ADSS2: variants seen among roughly 807,000 people sequenced by gnomAD.
The protein encoded by ADSS2 is adenylosuccinate synthase 2.
In ADSS2, 30 loss-of-function variants were observed where a neutral mutation model predicts 60.0. That is an observed-to-expected ratio of 0.50 (90% CI 0.37 to 0.68). ADSS2 has a LOEUF of 0.68. Among genes scored for constraint, ADSS2 ranks in the 30% least tolerant of loss-of-function variants. ADSS2 has a pLI of 0.00. For missense variants in ADSS2, 373 were observed against 554.8 expected, an observed-to-expected ratio of 0.67 and a Z score of 3.29; for synonymous variants, 187 against 193.1, an observed-to-expected ratio of 0.97 and a Z score of 0.26.
chr1:244,449,913 C>T (rs1665490316), intron 1 of ADSS2, among the ~76,000 whole-genome samples: 1 of 152,242 alleles, frequency 6.6e-6, no homozygotes, highest in South Asian at 2.1e-4. Flanking sequence ...ACATTAGTAA[C>T]ACCTTCTCCA....
intron 1 of ADSS2, among the ~76,000 whole-genome samples, chr1:244,438,534 C>G (rs1572144476): frequency 6.6e-6 from 1 of 152,098 alleles, no homozygotes; most frequent in Non-Finnish European, 1.5e-5. Context: ...AACCAGATAA[C>G]TTTTCTAAGT....
chr1:244,441,415 T>C (rs1353969174), intron 1 of ADSS2, among the ~76,000 whole-genome samples: 2 of 152,224 alleles, frequency 1.3e-5, no homozygotes, highest in East Asian at 1.9e-4. Context: ...TCAGTTCCTC[T>C]TGTTAAAAAT....
rs1386840307 is a variant in ADSS2 at position 244,432,548 on chromosome 1, T to C, written c.403A>G (p.Ile135Val). 2.5e-6 allele frequency: 4 copies of C among 1,571,502 alleles called. No homozygotes were observed. Among genetic ancestry groups the C allele is most frequent in the Non-Finnish European group, 3.5e-6 (4 of 1,156,566 alleles). The part of the protein sequence containing the change: ...KRLIISDRAH[I>V]VFDFHQAADG... ...AAATGCAATATATCCACCTTACCAATATGAGCTCTGTCAGATATAATAAGC... is the reference window on the plus strand; with the variant it reads ...AAATGCAATATATCCACCTTACCAACATGAGCTCTGTCAGATATAATAAGC... Residue 135 changes from isoleucine to valine, a missense_variant, in exon 4 of 13, where the codon ATT (isoleucine) becomes GTT (valine). By Grantham distance (29) the Ile-to-Val change is conservative. Coordinates refer to ENST00000366535, the MANE Select transcript of ADSS2 (RefSeq NM_001126.5).
At position 244,418,835 on chromosome 1, in the gene ADSS2, A is replaced by G; in HGVS notation, c.870T>C (p.Val290=). 11 of 1,614,094 alleles carry G rather than the reference A, an allele frequency of 6.8e-6. No individual in the cohort carries two copies. Among genetic ancestry groups the G allele is most frequent in the Non-Finnish European group, 9.3e-6 (11 of 1,179,976 alleles). ...CTGLGMPPQN[V]GEVYGVVKAY... ...CTTTCACAACTCCATACACTTCTCC[A>G]ACATTTTGAGGTGGCATACCCAAAC... Residue 290 remains valine, a synonymous_variant, in exon 9 of 13, where the codon GTT becomes GTC. Coordinates refer to ENST00000366535, the MANE Select transcript of ADSS2 (RefSeq NM_001126.5).
Position 244,409,595 on chromosome 1 carries a change from T to C in ADSS2, c.1362A>G (p.Gln454=), listed in dbSNP as rs767664950. Reference sequence around the variant, plus strand: ...GCATTACTGGCAATCATTAAAAGAGTTGAATCATAGATTCTCTGGATTTAC... The same window carrying C: ...GCATTACTGGCAATCATTAAAAGAGCTGAATCATAGATTCTCTGGATTTAC... ...GVGKSRESMI[Q]LF Residue 454 remains glutamine (Q), a synonymous_variant, in exon 13 of 13, where the codon CAA becomes CAG. Transcript: ENST00000366535. The C allele has an allele frequency of 5.1e-5, 82 of 1,608,834 alleles. No individual in the cohort carries two copies. The East Asian group carries it at 9.6e-4, about 19-fold the overall frequency.
At position 244,424,321 on chromosome 1, in the gene ADSS2, T is replaced by C; in HGVS notation, c.473A>G (p.Asn158Ser). 6.2e-7 allele frequency: 1 copy of C among 1,612,514 alleles called. No individual in the cohort carries two copies. Among genetic ancestry groups the C allele is most frequent in the South Asian group, 1.1e-5 (1 of 90,962 alleles). ...CAAAAAAACAAAAACCCACACATACTTTTTTCCTGCTTGTTCTTGTCTCTG... is the reference window on the plus strand; with the variant it reads ...CAAAAAAACAAAAACCCACACATACCTTTTTCCTGCTTGTTCTTGTCTCTG... Reference protein sequence around the residue: ...EQQRQEQAGKNLGTTKKGIGP... With the variant: ...EQQRQEQAGKSLGTTKKGIGP... The change falls in exon 5 of 13, where the codon AAT (asparagine) becomes AGT (serine). Residue 158 changes from asparagine (N) to serine (S), a missense_variant and splice_region_variant. This residue lies in a region of ADSS2 where 139 missense variants were observed against 189.4 expected (regional missense o/e 0.73). Transcript: ENST00000366535.
At position 244,417,760 on chromosome 1, in the gene ADSS2, A is replaced by C; in HGVS notation, c.946-8T>G. The stretch of plus-strand genomic sequence containing the variant: ...TAATAATTCTCCAATTTCCTACAGA[A>C]CAGAAAATTGAACTTTAGGATTAGA... On this transcript the variant is annotated splice_region_variant and splice_polypyrimidine_tract_variant and intron_variant, in intron 9 of 12. Transcript: ENST00000366535. The C allele has an allele frequency of 6.2e-7, 1 of 1,612,468 alleles. No individual in the cohort carries two copies. Among genetic ancestry groups the C allele is most frequent in the Non-Finnish European group, 8.5e-7 (1 of 1,178,750 alleles).
rs376691045 is a variant in ADSS2, at chr1:244,451,831, C to A, written c.-14G>T. 8.9e-6 allele frequency: 14 copies of A among 1,567,196 alleles called. No individual in the cohort carries two copies. In the African/African-American group the frequency reaches 1.9e-4, roughly 21 times the overall value. ...GGCGAACGCCATGGCTCCAGTGACGCGAGGAGAGCCCGAAGGAGAGGCGGC... is the reference window on the plus strand; with the variant it reads ...GGCGAACGCCATGGCTCCAGTGACGAGAGGAGAGCCCGAAGGAGAGGCGGC... On this transcript the variant is annotated 5_prime_UTR_variant, in exon 1 of 13. Coordinates refer to ENST00000366535, the MANE Select transcript of ADSS2 (RefSeq NM_001126.5). This position sits in a 1 kb window ranked among gnomAD's most constrained non-coding sequence, Gnocchi z 6.6.
At chr1:244,421,771 G>C (rs1664680447) in intron 7 of ADSS2, among the ~76,000 whole-genome samples, 1 of 152,064 alleles carries the variant, frequency 6.6e-6, no homozygotes, top group Admixed American at 6.6e-5. Flanking sequence ...TTTAGCTCAG[G>C]CGTTCAAGAC....
chr1:244,437,905 TG>T (rs1665142712), intron 1 of ADSS2, 137 bp from the exon 2 acceptor site: 1 of 671,436 alleles, frequency 1.5e-6, no homozygotes, highest in East Asian at 2.5e-5. Context: ...TCTACTCATT[TG>T]TAAAAGGCTT....
At chr1:244,436,027 A>C (rs1336587457) in intron 3 of ADSS2, among the ~76,000 whole-genome samples, 1 of 152,188 alleles carries the variant, frequency 6.6e-6, no homozygotes, top group Non-Finnish European at 1.5e-5. Context: ...CATGGAAAAG[A>C]TATATGAAAG....
At chr1:244,437,906 G>A (rs1665142667) in intron 1 of ADSS2, 138 bp from the exon 2 acceptor site, 1 of 668,566 alleles carries the variant, frequency 1.5e-6, no homozygotes, top group Middle Eastern at 2.6e-4. Flanking sequence ...CTACTCATTT[G>A]TAAAAGGCTT....
chr1:244,410,958 G>T (rs891501464), intron 12 of ADSS2, among the ~76,000 whole-genome samples: 1 of 152,204 alleles, frequency 6.6e-6, no homozygotes. Context: ...GGGCATGCTG[G>T]CTCATGCCTG....
At chr1:244,433,737 G>A (rs187196287) in intron 3 of ADSS2, among the ~76,000 whole-genome samples, 3 of 151,828 alleles carry the variant, frequency 2.0e-5, no homozygotes, top group Admixed American at 2.0e-4. Context: ...GCGGGCGCCT[G>A]TAATCCCAGC....
intron 7 of ADSS2, among the ~76,000 whole-genome samples, chr1:244,420,502 T>G (rs1441813456): frequency 6.6e-6 from 1 of 150,378 alleles, no homozygotes; most frequent in Non-Finnish European, 1.5e-5. Flanking sequence ...AGAGCATTGC[T>G]CAACAAAAAC....
chr1:244,423,402 T>C lies in ADSS2; in HGVS notation c.582-486A>G, dbSNP rs1558272011. Among the ~76,000 whole-genome samples the C allele has an allele frequency of 2.0e-5, 3 of 152,216 alleles. No homozygotes were observed. The South Asian group carries it at 6.2e-4, about 32-fold the overall frequency. On this transcript the variant is annotated intron_variant, in intron 6 of 12. Transcript: ENST00000366535. Reference sequence around the variant, plus strand: ...GTCATTATAGCTTTGATGCCACTTGTTATTATACACAACCAACTCCCTATC... The same window carrying C: ...GTCATTATAGCTTTGATGCCACTTGCTATTATACACAACCAACTCCCTATC...
At chr1:244,417,406 C>A (rs1558269521) in intron 10 of ADSS2, among the ~76,000 whole-genome samples, 1 of 152,114 alleles carries the variant, frequency 6.6e-6, no homozygotes, top group Non-Finnish European at 1.5e-5. Flanking sequence ...CTTAGAGTAT[C>A]ACGATTCTTT....
intron 1 of ADSS2, among the ~76,000 whole-genome samples, chr1:244,447,019 T>G (rs1346991896): frequency 1.3e-5 from 2 of 152,160 alleles, no homozygotes; most frequent in African/African-American, 4.8e-5. Flanking sequence ...AAATATAAAT[T>G]TTGGTTCAAT....
intron 6 of ADSS2, 83 bp downstream of exon 6, chr1:244,423,870 G>T: frequency 9.7e-7 from 1 of 1,033,018 alleles, no homozygotes; most frequent in Non-Finnish European, 1.4e-6. Flanking sequence ...CTAGAATACC[G>T]ACTGTATCAT....
Sources: allele counts gnomAD v4.1 joint callset (sites outside exome capture counted in the v4.1 genomes callset), GRCh38; gene constraint gnomAD v4.1.1; regional missense constraint gnomAD v4.1.1; non-coding constraint Gnocchi (gnomAD v3.1); transcripts MANE v1.5; gene names NCBI Gene and HGNC (gene_info 2026-07-23, HGNC 2026-07-21).